The following GALNTL6 variants were observed in gnomAD, a reference collection of about 807,000 sequenced individuals.
GALNTL6 encodes polypeptide N-acetylgalactosaminyltransferase like 6.
GALNTL6 carries 46 observed loss-of-function variants against 73.7 expected under a neutral mutation model. The ratio of observed to expected loss-of-function variants is 0.62; its 90% CI spans 0.49 to 0.80. The LOEUF is 0.80. Among genes scored for constraint, GALNTL6 ranks in the 30% least tolerant of loss-of-function variants. The pLI, the probability that GALNTL6 is intolerant of heterozygous loss-of-function variation, is 0.00. For synonymous variants in GALNTL6, 259 were observed against 263.7 expected (o/e 0.98, Z 0.17); for missense variants, 604 against 755.0 (o/e 0.80, Z 2.34).
At chr4:172,363,618 A>T (rs1742454724) in intron 5 of GALNTL6, among the ~76,000 whole-genome samples, 1 of 152,156 alleles carries the variant, frequency 6.6e-6, no homozygotes, top group South Asian at 2.1e-4. Flanking sequence ...TTTTCACATG[A>T]TTTGACTGTG....
At chr4:171,817,061 T>C (rs958585386) in intron 2 of GALNTL6, among the ~76,000 whole-genome samples, 6 of 152,090 alleles carry the variant, frequency 3.9e-5, no homozygotes, top group African/African-American at 1.4e-4. Context: ...AAGGACATTT[T>C]CATGGTTAAT....
chr4:173,006,697 C>T (rs896059119), intron 10 of GALNTL6, among the ~76,000 whole-genome samples: 5 of 152,154 alleles, frequency 3.3e-5, no homozygotes, highest in Non-Finnish European at 5.9e-5. Context: ...TCTAGATCTC[C>T]TACACTGAGA....
chr4:172,130,947 A>C (rs6553608), intron 2 of GALNTL6, among the ~76,000 whole-genome samples: 67,581 of 151,748 alleles, frequency 0.45, 15,701 homozygotes, highest in African/African-American at 0.56. Flanking sequence ...CCCTCTATCT[A>C]CTCCTTTCAT....
At chr4:172,164,813 G>A (rs1359861077) in intron 2 of GALNTL6, among the ~76,000 whole-genome samples, 8 of 152,120 alleles carry the variant, frequency 5.3e-5, no homozygotes, top group Admixed American at 4.6e-4. Flanking sequence ...AGAGTGTTAT[G>A]TAAATGTTTG....
chr4:172,557,982 G>A (rs1736208778), intron 5 of GALNTL6, among the ~76,000 whole-genome samples: 1 of 151,714 alleles, frequency 6.6e-6, no homozygotes, highest in African/African-American at 2.4e-5. Context: ...CCCCCAAACT[G>A]GAAACAACCC....
intron 2 of GALNTL6, among the ~76,000 whole-genome samples, chr4:171,963,784 AAGAG>A (rs60362246): frequency 0.038 from 5,758 of 152,228 alleles, 307 homozygotes; most frequent in African/African-American, 0.11. Flanking sequence ...GCTATACAGG[AAGAG>A]AGAGAATAAA....
chr4:172,814,081 A>T (rs1243572873), intron 7 of GALNTL6, among the ~76,000 whole-genome samples: 5 of 152,224 alleles, frequency 3.3e-5, no homozygotes, highest in African/African-American at 1.2e-4. Context: ...TACTGAAAAC[A>T]ACTATTTTGT....
At chr4:172,547,672 A>G (rs1735823017) in intron 5 of GALNTL6, among the ~76,000 whole-genome samples, 1 of 152,156 alleles carries the variant, frequency 6.6e-6, no homozygotes, top group Admixed American at 6.5e-5. Context: ...ATGTGACCTG[A>G]TCTCTTTATG....
chr4:172,022,311 T>G (rs1741429586), intron 2 of GALNTL6, among the ~76,000 whole-genome samples: 1 of 152,066 alleles, frequency 6.6e-6, no homozygotes. Flanking sequence ...TAATTGACAA[T>G]CTTAGTTTAT....
At chr4:172,778,287 A>G (rs1739180229) in intron 5 of GALNTL6, among the ~76,000 whole-genome samples, 1 of 152,236 alleles carries the variant, frequency 6.6e-6, no homozygotes, top group Non-Finnish European at 1.5e-5. Context: ...TAGGTGGCCC[A>G]ATGACATATT....
intron 5 of GALNTL6, among the ~76,000 whole-genome samples, chr4:172,492,915 T>C (rs1425622655): frequency 6.6e-6 from 1 of 152,146 alleles, no homozygotes; most frequent in African/African-American, 2.4e-5. Context: ...GTTTAACAAC[T>C]GTGTGTCTGC....
intron 2 of GALNTL6, among the ~76,000 whole-genome samples, chr4:172,050,061 T>C (rs1482608844): frequency 6.6e-6 from 1 of 152,076 alleles, no homozygotes; most frequent in Non-Finnish European, 1.5e-5. Context: ...TATAGGTATT[T>C]TTCCCACTTT....
At chr4:172,626,907 G>A (rs1739192636) in intron 5 of GALNTL6, among the ~76,000 whole-genome samples, 1 of 152,066 alleles carries the variant, frequency 6.6e-6, no homozygotes, top group African/African-American at 2.4e-5. Flanking sequence ...AGTATCATTA[G>A]AGCTTTCTAG....
At chr4:172,899,069 C>T (rs1260168680) in intron 8 of GALNTL6, among the ~76,000 whole-genome samples, 1 of 152,120 alleles carries the variant, frequency 6.6e-6, no homozygotes, top group South Asian at 2.1e-4. Context: ...GAGTTGTAAG[C>T]CCTTAAAAGG....
intron 5 of GALNTL6, among the ~76,000 whole-genome samples, chr4:172,421,241 A>G (rs560468165): frequency 2.6e-5 from 4 of 152,282 alleles, no homozygotes; most frequent in Non-Finnish European, 4.4e-5. Context: ...TATAATATTG[A>G]ATACATTTGC....
At chr4:171,935,828 T>C (rs1738325514) in intron 2 of GALNTL6, among the ~76,000 whole-genome samples, 1 of 152,158 alleles carries the variant, frequency 6.6e-6, no homozygotes, top group African/African-American at 2.4e-5. Flanking sequence ...ATGAATTTTG[T>C]GGCTAGCATT....
At chr4:172,327,321 G>A (rs1202735740) in intron 4 of GALNTL6, among the ~76,000 whole-genome samples, 1 of 152,126 alleles carries the variant, frequency 6.6e-6, no homozygotes, top group Non-Finnish European at 1.5e-5. Context: ...GTCTGATTAT[G>A]TGGTCAATTT....
At chr4:172,131,296 A>C (rs1055679767) in intron 2 of GALNTL6, among the ~76,000 whole-genome samples, 3 of 150,932 alleles carry the variant, frequency 2.0e-5, no homozygotes, top group African/African-American at 7.3e-5. Flanking sequence ...GATTAATTCA[A>C]CTGACTGAAA....
intron 5 of GALNTL6, among the ~76,000 whole-genome samples, chr4:172,487,227 C>G (rs1733702545): frequency 6.6e-6 from 1 of 150,472 alleles, no homozygotes; most frequent in Non-Finnish European, 1.5e-5. Context: ...TCCTTCCTTC[C>G]TTCCTTCCTG....
Sources: gnomAD v4.1 joint callset for allele counts (sites outside exome capture counted in the v4.1 genomes callset) on GRCh38, gnomAD v4.1.1 for gene constraint, MANE v1.5 for transcripts, NCBI Gene and HGNC (gene_info 2026-07-23, HGNC 2026-07-21) for gene names.